MLYCD: variants seen among roughly 807,000 people sequenced by gnomAD.
MLYCD encodes the protein malonyl-CoA decarboxylase.
Under a neutral mutation model 35.8 loss-of-function variants are expected in MLYCD, and 27 were observed. The observed-to-expected ratio is 0.75, with a 90% CI of 0.56 to 1.04. MLYCD has a LOEUF of 1.04. Ranked by LOEUF, MLYCD falls within the 50% of genes least tolerant of loss-of-function variation. The probability of loss-of-function intolerance (pLI) is 0.00; values close to 1 mark genes in which losing one functional copy is unlikely to be tolerated. For missense variants in MLYCD, 917 were observed against 665.1 expected, an observed-to-expected ratio of 1.38 and a Z score of -4.17; for synonymous variants, 403 against 302.4, an observed-to-expected ratio of 1.33 and a Z score of -3.45.
In MLYCD at chr16:83,920,983, T is replaced by C. The variant is rs1044893221; in HGVS notation, c.*5494T>C. The C allele has an allele frequency of 6.8e-6, 1 of 146,808 alleles. No individual in the cohort carries two copies. The highest frequency in any genetic ancestry group is 2.6e-5 in the African/African-American group (1 of 39,156). 9.1% of individuals were successfully genotyped at this position (146,808 alleles called of 1,614,324 possible). A position where few individuals can be genotyped will look rare whatever the true frequency, so the allele number is the denominator to read the frequency against. ...GGAGGGTTAATGGAAGGAAGGAAGA[T>C]GGATGGGTGGAAGGAAGATGGGTGG... On this transcript the variant is annotated 3_prime_UTR_variant, in exon 5 of 5. Coordinates refer to ENST00000262430, the MANE Select transcript of MLYCD (RefSeq NM_012213.3).
At chr16:83,912,778 C>G (rs1417369920) in intron 4 of MLYCD, 1 of 322,784 alleles carries the variant, frequency 3.1e-6, no homozygotes, top group African/African-American at 2.1e-5. Flanking sequence ...TGCCCCTGCC[C>G]ACACTCTCAG....
At chr16:83,907,177 C>A in intron 2 of MLYCD, 78 bp downstream of exon 2, 1 of 1,215,810 alleles carries the variant, frequency 8.2e-7, no homozygotes, top group Non-Finnish European at 1.2e-6. Context: ...TGGCTAAAAG[C>A]TAATCTATCT....
Position 83,904,992 on chromosome 16 carries a change from C to G in MLYCD, c.529-1995C>G, listed in dbSNP as rs189556891. Among the ~76,000 whole-genome samples, 129 of 152,324 alleles carry G rather than the reference C, an allele frequency of 8.5e-4. 2 individuals are homozygous for G. Among genetic ancestry groups the G allele is most frequent in the Middle Eastern group, 3.4e-3 (1 of 294 alleles). ...TGCTTAAACATGTAAAAGGAGACCT[C>G]ATCTCCTTCCGAAAACTTCTCTGAG... On this transcript the variant is annotated intron_variant, in intron 1 of 4. Transcript: ENST00000262430.
In MLYCD at chr16:83,912,336, T is replaced by A. The variant is rs1420708086; in HGVS notation, c.917T>A (p.Phe306Tyr). 1 of 1,614,154 alleles carries A rather than the reference T, an allele frequency of 6.2e-7. No individual in the cohort carries two copies. The highest frequency in any genetic ancestry group is 8.5e-7 in the Non-Finnish European group (1 of 1,180,030). ...CTCCAAGGGGTGGAGCTGGGAACAT[T>A]CCTCATAAAGCGAGTCGTCAAGGAG... ...QGLQGVELGT[F>Y]LIKRVVKELQ... Residue 306 changes from phenylalanine to tyrosine, a missense_variant, in exon 4 of 5, where the codon TTC (phenylalanine) becomes TAC (tyrosine). Phe to Tyr is a conservative substitution (Grantham distance 22, BLOSUM62 3). Coordinates refer to ENST00000262430, the MANE Select transcript of MLYCD (RefSeq NM_012213.3).
At chr16:83,912,835 T>C (rs1266454993) in intron 4 of MLYCD, 2 of 265,340 alleles carry the variant, frequency 7.5e-6, no homozygotes, top group Admixed American at 4.9e-5. Context: ...TCTCATGGCC[T>C]GTGAGGGAGT....
In MLYCD at chr16:83,912,388, C is replaced by A. The variant is rs760663899; in HGVS notation, c.948+21C>A. Reference sequence around the variant, plus strand: ...TGCAGGTAAGCGACACGCAGGGAGCCCCGGTCACGCTTGGCTTCCGTGTGG... The same window carrying A: ...TGCAGGTAAGCGACACGCAGGGAGCACCGGTCACGCTTGGCTTCCGTGTGG... On this transcript the variant is annotated intron_variant, in intron 4 of 4. Transcript: ENST00000262430. 3.4e-5 allele frequency: 55 copies of A among 1,613,800 alleles called. No homozygotes were observed. In the Middle Eastern group the frequency reaches 1.5e-3, roughly 44 times the overall value.
intron 4 of MLYCD, chr16:83,913,321 G>A (rs1355424685): frequency 2.0e-5 from 3 of 152,300 alleles, no homozygotes; most frequent in Non-Finnish European, 2.9e-5. Context: ...ACTGAGGGTG[G>A]TGATTAGCAG....
intron 4 of MLYCD, chr16:83,913,408 C>CTAAG (rs970060769): frequency 5.9e-5 from 9 of 152,440 alleles, no homozygotes; most frequent in Non-Finnish European, 1.3e-4. Context: ...GGGAGTTGGG[C>CTAAG]CTTAGCCCAG....
intron 1 of MLYCD, 139 bp from the exon 2 acceptor site, chr16:83,906,848 A>G: frequency 1.2e-6 from 1 of 801,770 alleles, no homozygotes; most frequent in Non-Finnish European, 2.2e-6. Context: ...ATCTTGGGAA[A>G]AGCTGTTTGG....
chr16:83,919,771 T>G lies in MLYCD; in HGVS notation c.*4282T>G, dbSNP rs145070726. The G allele has an allele frequency of 7.6e-3, 1,018 of 133,804 alleles. 9 individuals carry two copies. The highest frequency in any genetic ancestry group is 0.041 in the Middle Eastern group (7 of 170). 8.3% of individuals were successfully genotyped at this position (133,804 alleles called of 1,614,324 possible). On this transcript the variant is annotated 3_prime_UTR_variant, in exon 5 of 5. Coordinates refer to ENST00000262430, the MANE Select transcript of MLYCD (RefSeq NM_012213.3). The stretch of plus-strand genomic sequence containing the variant: ...AACACACGGTGCACAGGAGAACACA[T>G]GGTGCACAGGAGAACACACGGTGTA...
chr16:83,900,805 T>C (rs1906758610), intron 1 of MLYCD, among the ~76,000 whole-genome samples: 1 of 152,186 alleles, frequency 6.6e-6, no homozygotes, highest in South Asian at 2.1e-4. Flanking sequence ...TTTACATTCC[T>C]TCAGTCTTAC....
Position 83,918,136 on chromosome 16 carries a change from GTTACTC to G in MLYCD, c.*2650_*2655del, listed in dbSNP as rs1907495309. The stretch of plus-strand genomic sequence containing the variant: ...CCAGCAAGGCGGCTCATCACATCAC[GTTACTC>G]TTTAGGTCAAATGTAACCCTCCCGG... On this transcript the variant is annotated 3_prime_UTR_variant, in exon 5 of 5. Coordinates refer to ENST00000262430, the MANE Select transcript of MLYCD (RefSeq NM_012213.3). 6.6e-6 allele frequency: 1 copy of G among 152,220 alleles called. No homozygotes were observed. The highest frequency in any genetic ancestry group is 1.5e-5 in the Non-Finnish European group (1 of 68,040). The allele number at this position is 152,220 out of a possible 1,614,324, so 9.4% of individuals were successfully genotyped here.
rs983838642 is a variant in MLYCD at position 83,917,712 on chromosome 16, G to T, written c.*2223G>T. On this transcript the variant is annotated 3_prime_UTR_variant, in exon 5 of 5. Coordinates refer to ENST00000262430, the MANE Select transcript of MLYCD (RefSeq NM_012213.3). ...TAAGCGTCCCCAGACCCTCAGGCCT[G>T]CGGAAACCTGCTGGGCCTTACCGTC... 5.3e-5 allele frequency: 8 copies of T among 152,256 alleles called. No individual in the cohort carries two copies. Among genetic ancestry groups the T allele is most frequent in the South Asian group, 4.1e-4 (2 of 4,834 alleles). The allele number at this position is 152,256 out of a possible 1,614,324, so 9.4% of individuals were successfully genotyped here.
At chr16:83,909,609 G>A (rs1454041881) in intron 3 of MLYCD, among the ~76,000 whole-genome samples, 3 of 148,894 alleles carry the variant, frequency 2.0e-5, no homozygotes, top group Non-Finnish European at 4.4e-5. Flanking sequence ...TGATTTAGGT[G>A]GTGGTGTTGT....
chr16:83,903,089 C>A (rs76455307), intron 1 of MLYCD, among the ~76,000 whole-genome samples: 2 of 152,140 alleles, frequency 1.3e-5, no homozygotes, highest in South Asian at 2.1e-4. Context: ...AAGGTCTGAG[C>A]GAGGTTCAGT....
intron 1 of MLYCD, among the ~76,000 whole-genome samples, chr16:83,905,989 A>G (rs1257721871): frequency 6.6e-6 from 1 of 152,228 alleles, no homozygotes; most frequent in Admixed American, 6.5e-5. Context: ...AAGTAGATAC[A>G]ATATAAATAA....
chr16:83,920,529 C>T lies in MLYCD; in HGVS notation c.*5040C>T, dbSNP rs1907616314. 1 of 152,484 alleles carries T rather than the reference C, an allele frequency of 6.6e-6. No homozygotes were observed. The highest frequency in any genetic ancestry group is 1.5e-5 in the Non-Finnish European group (1 of 68,118). The allele number at this position is 152,484 out of a possible 1,614,324, so 9.4% of individuals were successfully genotyped here. A position where few individuals can be genotyped will look rare whatever the true frequency, so the allele number is the denominator to read the frequency against. ...CTCCCTCTTCCCTTTCCCCTTCCTCCCTCCTGCCCTCGAATCTGCAAGGTC... is the reference window on the plus strand; with the variant it reads ...CTCCCTCTTCCCTTTCCCCTTCCTCTCTCCTGCCCTCGAATCTGCAAGGTC... On this transcript the variant is annotated 3_prime_UTR_variant, in exon 5 of 5. Coordinates refer to ENST00000262430, the MANE Select transcript of MLYCD (RefSeq NM_012213.3).
At chr16:83,913,234 TTACCACGCCG>T (rs1907242791) in intron 4 of MLYCD, 1 of 152,208 alleles carries the variant, frequency 6.6e-6, no homozygotes, top group Non-Finnish European at 1.5e-5. Context: ...GTGGGCTTCA[TTACCACGCCG>T]CCATGTTTCC....
intron 4 of MLYCD, 53 bp downstream of exon 4, chr16:83,912,420 C>A: frequency 6.2e-7 from 1 of 1,610,642 alleles, no homozygotes; most frequent in South Asian, 1.1e-5. Context: ...GTGGTCAGGT[C>A]AGCGAACCTC....
Sources: gnomAD v4.1 joint callset for allele counts (sites outside exome capture counted in the v4.1 genomes callset) on GRCh38, gnomAD v4.1.1 for gene constraint, MANE v1.5 for transcripts, NCBI Gene and HGNC (gene_info 2026-07-23, HGNC 2026-07-21) for gene names.